MYSM1: variants seen among roughly 807,000 people sequenced by gnomAD.
MYSM1 encodes Myb like, SWIRM and MPN domains 1, also known as deubiquitinase MYSM1.
A neutral mutation model predicts 116.0 loss-of-function variants in MYSM1; 51 were observed. That is an observed-to-expected ratio of 0.44 (90% confidence interval 0.35 to 0.56). The LOEUF (loss-of-function observed/expected upper bound fraction) is 0.56. Among genes scored for constraint, MYSM1 ranks in the 20% least tolerant of loss-of-function variants. MYSM1 has a pLI of 0.00. For synonymous variants in MYSM1, 313 were observed against 315.2 expected, an observed-to-expected ratio of 0.99 and a Z score of 0.07; for missense variants, 900 against 974.9, an observed-to-expected ratio of 0.92 and a Z score of 1.02.
rs1644810181 is a variant in MYSM1, at chr1:58,685,226, T to C, written c.425A>G (p.Lys142Arg). 7 of 1,608,130 alleles carry C rather than the reference T, an allele frequency of 4.4e-6. No individual in the cohort carries two copies. Among genetic ancestry groups the C allele is most frequent in the Non-Finnish European group, 5.1e-6 (6 of 1,178,204 alleles). The change falls in exon 7 of 20, where the codon AAA becomes AGA. Residue 142 changes from lysine (K) to arginine (R), a missense_variant. Coordinates refer to ENST00000472487, the MANE Select transcript of MYSM1 (RefSeq NM_001085487.3). ...GLAKFGRRWT[K>R]ISKLIGSRTV... ...GCGGCTTCCAATTAGCTTTGAAATTTTGGTCCATCTTCGGCCAAATTTAGC... is the reference window on the plus strand; with the variant it reads ...GCGGCTTCCAATTAGCTTTGAAATTCTGGTCCATCTTCGGCCAAATTTAGC...
chr1:58,679,871 T>C (rs1644711871), intron 8 of MYSM1, among the ~76,000 whole-genome samples: 1 of 151,034 alleles, frequency 6.6e-6, no homozygotes, highest in East Asian at 1.9e-4. Context: ...CTACTAAAAA[T>C]ACAAAAATTA....
intron 16 of MYSM1, among the ~76,000 whole-genome samples, chr1:58,666,119 A>T (rs1644465808): frequency 6.6e-6 from 1 of 152,182 alleles, no homozygotes; most frequent in South Asian, 2.1e-4. Context: ...TATTCATCTC[A>T]CACGGTACAT....
intron 11 of MYSM1, among the ~76,000 whole-genome samples, chr1:58,672,486 T>C (rs1264094671): frequency 6.6e-6 from 1 of 152,042 alleles, no homozygotes. Flanking sequence ...ACTGTCATGG[T>C]ATTATTGTGA....
Position 58,658,649 on chromosome 1 carries a change from C to T in MYSM1, c.*1348G>A, listed in dbSNP as rs1016652328. 2.0e-5 allele frequency: 3 copies of T among 152,000 alleles called. No homozygotes were observed. The highest frequency in any genetic ancestry group is 4.4e-5 in the Non-Finnish European group (3 of 67,994). 9.4% of individuals were successfully genotyped at this position (152,000 alleles called of 1,614,324 possible). A position where few individuals can be genotyped will look rare whatever the true frequency, so the allele number is the denominator to read the frequency against. On this transcript the variant is annotated 3_prime_UTR_variant, in exon 20 of 20. Coordinates refer to ENST00000472487, the MANE Select transcript of MYSM1 (RefSeq NM_001085487.3). ...TCAATCTGATTTAGATATAAGGAAA[C>T]GTTAGTAAGAATGTTTGGTGAATAG...
intron 8 of MYSM1, 38 bp from the exon 9 acceptor site, chr1:58,677,094 TAAA>T (rs1359099329): frequency 6.5e-7 from 1 of 1,544,012 alleles, no homozygotes. Context: ...TTTGGATAAA[TAAA>T]AACGTGAAAA....
chr1:58,686,373 A>G (rs990169084), intron 6 of MYSM1, among the ~76,000 whole-genome samples: 1 of 152,230 alleles, frequency 6.6e-6, no homozygotes, highest in Admixed American at 6.5e-5. Context: ...GATATTCTCT[A>G]CTTCCTAAGG....
intron 8 of MYSM1, 55 bp from the exon 9 acceptor site, chr1:58,677,111 A>T: frequency 6.8e-7 from 1 of 1,470,302 alleles, no homozygotes; most frequent in Non-Finnish European, 9.2e-7. Context: ...GTGAAAAAAG[A>T]TTTCTGGGGA....
At chr1:58,666,576 C>CT (rs36057863) in intron 16 of MYSM1, among the ~76,000 whole-genome samples, 111,768 of 131,560 alleles carry the variant, frequency 0.85, 47,591 homozygotes, top group East Asian at 0.92. Context: ...TATTTTTTTT[C>CT]TTTTTTTTTT....
intron 7 of MYSM1, among the ~76,000 whole-genome samples, chr1:58,682,761 T>C (rs1353285034): frequency 6.6e-6 from 1 of 150,836 alleles, no homozygotes; most frequent in African/African-American, 2.4e-5. Context: ...AGTGGCGCAA[T>C]CCCAGGCCAC....
chr1:58,664,177 C>T (rs1317408940), intron 17 of MYSM1, among the ~76,000 whole-genome samples: 1 of 152,092 alleles, frequency 6.6e-6, no homozygotes, highest in African/African-American at 2.4e-5. Flanking sequence ...ATTACCAAAA[C>T]CTAGCAGTCT....
rs1197955832 is a variant in MYSM1 at position 58,659,025 on chromosome 1, G to A, written c.*972C>T. ...AGAATGTCTCATAGACATCATATGT[G>A]GCCTGAAAAGCCAAAATTATTTACA... On this transcript the variant is annotated 3_prime_UTR_variant, in exon 20 of 20. Coordinates refer to ENST00000472487, the MANE Select transcript of MYSM1 (RefSeq NM_001085487.3). 1 of 148,856 alleles carries A rather than the reference G, an allele frequency of 6.7e-6. No individual in the cohort carries two copies. The highest frequency in any genetic ancestry group is 2.5e-5 in the African/African-American group (1 of 40,268). The allele number at this position is 148,856 out of a possible 1,614,324, so 9.2% of individuals were successfully genotyped here. A position where few individuals can be genotyped will look rare whatever the true frequency, so the allele number is the denominator to read the frequency against.
At chr1:58,691,566 T>C (rs995211166) in intron 3 of MYSM1, among the ~76,000 whole-genome samples, 1 of 151,994 alleles carries the variant, frequency 6.6e-6, no homozygotes, top group Non-Finnish European at 1.5e-5. Flanking sequence ...GTACTCTAAG[T>C]ATAAAACACA....
chr1:58,690,725 T>C (rs548851226), intron 3 of MYSM1, among the ~76,000 whole-genome samples: 9 of 151,944 alleles, frequency 5.9e-5, no homozygotes, highest in Non-Finnish European at 1.2e-4. Flanking sequence ...TAGTGTATTT[T>C]ATGTGGGGCC....
At chr1:58,668,749 G>C in intron 13 of MYSM1, 67 bp from the exon 14 acceptor site, 5 of 1,390,222 alleles carry the variant, frequency 3.6e-6, no homozygotes, top group South Asian at 1.2e-5. Context: ...TCCCCACCTG[G>C]AATGCCCACC....
At chr1:58,685,996 G>A (rs1162751988) in intron 6 of MYSM1, among the ~76,000 whole-genome samples, 4 of 152,100 alleles carry the variant, frequency 2.6e-5, no homozygotes, top group Non-Finnish European at 4.4e-5. Context: ...GTGTGATCAC[G>A]GCTCATGCAG....
intron 17 of MYSM1, among the ~76,000 whole-genome samples, chr1:58,661,830 G>T (rs1025474131): frequency 6.6e-6 from 1 of 152,038 alleles, no homozygotes; most frequent in South Asian, 2.1e-4. Context: ...ATGAAAGAAG[G>T]TACTATTAAT....
At chr1:58,694,057 C>A (rs1326441239) in intron 2 of MYSM1, among the ~76,000 whole-genome samples, 1 of 152,174 alleles carries the variant, frequency 6.6e-6, no homozygotes, top group Non-Finnish European at 1.5e-5. Flanking sequence ...GTTCACATAT[C>A]TACCCTTTTT....
Position 58,698,102 on chromosome 1 carries a change from A to ATATATATATATATATAT in MYSM1, c.68+1882_68+1883insATATATATATATATATA. Among the ~76,000 whole-genome samples, 3 of 7,776 alleles carry ATATATATATATATATAT rather than the reference A, an allele frequency of 3.9e-4. 1 individual carries two copies. Among genetic ancestry groups the ATATATATATATATATAT allele is most frequent in the African/African-American group, 7.7e-4 (3 of 3,892 alleles). 5.1% of individuals were successfully genotyped at this position (7,776 alleles called of 152,430 possible). On this transcript the variant is annotated intron_variant, in intron 1 of 19. Coordinates refer to ENST00000472487, the MANE Select transcript of MYSM1 (RefSeq NM_001085487.3). The stretch of plus-strand genomic sequence containing the variant: ...TATCAGACTATATATATATATATAT[A>ATATATATATATATATAT]TTTTTTTTTTTTTTTTGAGACAGAG...
chr1:58,682,757 G>A (rs1644768129), intron 7 of MYSM1, among the ~76,000 whole-genome samples: 1 of 149,614 alleles, frequency 6.7e-6, no homozygotes, highest in Admixed American at 6.7e-5. Flanking sequence ...GTGCAGTGGC[G>A]CAATCCCAGG....
Sources: gnomAD v4.1 joint callset for allele counts (sites outside exome capture counted in the v4.1 genomes callset) on GRCh38, gnomAD v4.1.1 for gene constraint, MANE v1.5 for transcripts, NCBI Gene and HGNC (gene_info 2026-07-23, HGNC 2026-07-21) for gene names.